SORCS3: variants seen among roughly 807,000 people sequenced by gnomAD.
SORCS3 encodes the protein sortilin related VPS10 domain containing receptor 3.
Under a neutral mutation model 146.3 loss-of-function variants are expected in SORCS3, and 57 were observed. The observed-to-expected ratio is 0.39, with a 90% confidence interval of 0.31 to 0.49. The LOEUF is 0.49. Among genes scored for constraint, SORCS3 ranks in the 20% least tolerant of loss-of-function variants. SORCS3 has a pLI of 0.92. For missense variants in SORCS3, 1,341 were observed against 1,575.5 expected (o/e 0.85, Z 2.52); for synonymous variants, 653 against 618.5 (o/e 1.06, Z -0.83).
At position 104,957,554 on chromosome 10, in the gene SORCS3, A is replaced by AACACACACACACACACAC. The variant is rs10660859; in HGVS notation, c.796-19772_796-19755dup. Among the ~76,000 whole-genome samples, 1,149 of 148,428 alleles carry AACACACACACACACACAC rather than the reference A, an allele frequency of 7.7e-3. 10 individuals carry two copies. Among genetic ancestry groups the AACACACACACACACACAC allele is most frequent in the African/African-American group, 0.027 (1,100 of 40,332 alleles). ...CTTTCTTTCTGCAATAAGGAAAGAAAACACACACACACACACACACACACA... is the reference window on the plus strand; with the variant it reads ...CTTTCTTTCTGCAATAAGGAAAGAAAACACACACACACACACACACACACACACACACACACACACACA... On this transcript the variant is annotated intron_variant, in intron 3 of 26. Transcript: ENST00000369701.
intron 11 of SORCS3, among the ~76,000 whole-genome samples, chr10:105,160,508 T>A (rs1038616963): frequency 1.3e-5 from 2 of 152,212 alleles, no homozygotes; most frequent in African/African-American, 2.4e-5. Flanking sequence ...ATGCCTGTAG[T>A]CCCACCTACT....
chr10:104,690,498 C>G (rs1260479232), intron 1 of SORCS3, among the ~76,000 whole-genome samples: 1 of 152,202 alleles, frequency 6.6e-6, no homozygotes, highest in African/African-American at 2.4e-5. Flanking sequence ...AGGGTTGAGG[C>G]AAGACTGGAA....
intron 4 of SORCS3, among the ~76,000 whole-genome samples, chr10:105,014,103 A>ATG (rs2055151476): frequency 6.8e-6 from 1 of 147,664 alleles, no homozygotes; most frequent in African/African-American, 2.5e-5. Flanking sequence ...ATATACATAT[A>ATG]TATATACACA....
At chr10:105,073,071 T>C (rs1195958664) in intron 5 of SORCS3, among the ~76,000 whole-genome samples, 1 of 152,198 alleles carries the variant, frequency 6.6e-6, no homozygotes, top group Non-Finnish European at 1.5e-5. Context: ...AACCCAGTTC[T>C]CTCTGTGTGA....
intron 17 of SORCS3, 57 bp downstream of exon 17, chr10:105,211,307 G>A (rs2119640895): frequency 8.2e-7 from 1 of 1,215,480 alleles, no homozygotes; most frequent in South Asian, 1.2e-5. Flanking sequence ...TCTAAACTAG[G>A]ACCAAAGGAA....
intron 11 of SORCS3, among the ~76,000 whole-genome samples, chr10:105,161,737 G>A (rs1266927124): frequency 6.6e-6 from 1 of 152,114 alleles, no homozygotes; most frequent in East Asian, 1.9e-4. Context: ...TTGCATAACT[G>A]CACGATGATG....
chr10:105,261,967 C>CA (rs1451304551), intron 25 of SORCS3, among the ~76,000 whole-genome samples: 3 of 152,328 alleles, frequency 2.0e-5, no homozygotes, highest in Non-Finnish European at 4.4e-5. Flanking sequence ...GGTGTCTTTT[C>CA]ACTCTGTACA....
intron 5 of SORCS3, among the ~76,000 whole-genome samples, chr10:105,055,851 G>T (rs1246045301): frequency 6.6e-6 from 1 of 152,118 alleles, no homozygotes; most frequent in Admixed American, 6.6e-5. Flanking sequence ...CTGGCTTGAT[G>T]TTAACAAAAT....
chr10:105,023,423 C>T (rs1286108281), intron 4 of SORCS3, among the ~76,000 whole-genome samples: 6 of 152,086 alleles, frequency 3.9e-5, no homozygotes, highest in Admixed American at 3.9e-4. Context: ...AGAGAGTTTC[C>T]AATGGTTGGA....
intron 3 of SORCS3, among the ~76,000 whole-genome samples, chr10:104,922,294 A>C (rs561558340): frequency 6.6e-6 from 1 of 152,352 alleles, no homozygotes; most frequent in South Asian, 2.1e-4. Flanking sequence ...AAAAGGTGGA[A>C]AGGTAATTTT....
chr10:105,140,626 T>C (rs895437227), intron 8 of SORCS3, among the ~76,000 whole-genome samples: 1 of 152,046 alleles, frequency 6.6e-6, no homozygotes, highest in East Asian at 1.9e-4. Context: ...AATAAAGGAG[T>C]TAATTCTGCA....
chr10:105,210,089 C>T (rs1207598940), intron 16 of SORCS3, among the ~76,000 whole-genome samples: 1 of 151,832 alleles, frequency 6.6e-6, no homozygotes, highest in Non-Finnish European at 1.5e-5. Context: ...TTTTTAGTCC[C>T]CTCTCCCCTT....
chr10:105,051,966 G>T (rs2055416444), intron 5 of SORCS3, among the ~76,000 whole-genome samples: 1 of 152,156 alleles, frequency 6.6e-6, no homozygotes, highest in South Asian at 2.1e-4. Context: ...ATGTCTGGTT[G>T]CATCTTGGCT....
chr10:104,887,966 G>A lies in SORCS3; in HGVS notation c.696-27867G>A, dbSNP rs1181617240. Among the ~76,000 whole-genome samples the A allele has an allele frequency of 4.2e-5, 5 of 117,740 alleles. 1 individual carries two copies. The highest frequency in any genetic ancestry group is 2.2e-4 in the African/African-American group (5 of 22,928). 77.2% of individuals were successfully genotyped at this position (117,740 alleles called of 152,430 possible). On this transcript the variant is annotated intron_variant, in intron 2 of 26. Coordinates refer to ENST00000369701, the MANE Select transcript of SORCS3 (RefSeq NM_014978.3). ...CCAGCAACATGGTGGGGGCGGGGGGGCGGGGGCGGAGCAAGCCCATGAAGA... is the reference window on the plus strand; with the variant it reads ...CCAGCAACATGGTGGGGGCGGGGGGACGGGGGCGGAGCAAGCCCATGAAGA...
chr10:105,055,697 T>G (rs2055441317), intron 5 of SORCS3, among the ~76,000 whole-genome samples: 1 of 152,210 alleles, frequency 6.6e-6, no homozygotes, highest in Non-Finnish European at 1.5e-5. Flanking sequence ...CTAAGCAAGT[T>G]AGAAAGCATC....
intron 1 of SORCS3, among the ~76,000 whole-genome samples, chr10:104,815,094 T>C (rs2017782162): frequency 6.6e-6 from 1 of 152,190 alleles, no homozygotes; most frequent in African/African-American, 2.4e-5. Flanking sequence ...AGGACACCTG[T>C]GCGTGATTAC....
chr10:104,696,272 C>T (rs1452891500), intron 1 of SORCS3, among the ~76,000 whole-genome samples: 1 of 105,112 alleles, frequency 9.5e-6, no homozygotes, highest in Non-Finnish European at 1.8e-5. Context: ...ATCATATACA[C>T]ATATGATATA....
At chr10:105,041,817 T>A (rs776187170) in intron 4 of SORCS3, among the ~76,000 whole-genome samples, 61 of 152,172 alleles carry the variant, frequency 4.0e-4, no homozygotes, top group Non-Finnish European at 5.9e-5. Flanking sequence ...ATATACTTCA[T>A]GTGGTCCAAT....
At chr10:104,713,595 A>G (rs893678266) in intron 1 of SORCS3, among the ~76,000 whole-genome samples, 1 of 152,160 alleles carries the variant, frequency 6.6e-6, no homozygotes, top group Non-Finnish European at 1.5e-5. Flanking sequence ...AGCGGCTTAC[A>G]TTGGTTGATT....
Sources: gnomAD v4.1 joint callset for allele counts (sites outside exome capture counted in the v4.1 genomes callset) on GRCh38, gnomAD v4.1.1 for gene constraint, MANE v1.5 for transcripts, NCBI Gene and HGNC (gene_info 2026-07-23, HGNC 2026-07-21) for gene names.